Variants in MGA observed in about 807,000 individuals in gnomAD.
The protein encoded by MGA is MAX gene-associated protein.
In MGA, 40 loss-of-function variants were observed where a neutral mutation model predicts 261.1. The ratio of observed to expected loss-of-function variants is 0.15; its 90% CI spans 0.12 to 0.20. MGA has a LOEUF of 0.20. Among genes scored for constraint, MGA ranks in the 10% least tolerant of loss-of-function variants. The probability of loss-of-function intolerance (pLI) is 1.00; values close to 1 mark genes in which losing one functional copy is unlikely to be tolerated. For synonymous variants in MGA, 1,302 were observed against 1,290.6 expected (o/e 1.01, Z -0.19); for missense variants, 3,397 against 3,630.5 (o/e 0.94, Z 1.65).
At chr15:41,643,559 T>G (rs1401767327) in intron 1 of MGA, among the ~76,000 whole-genome samples, 1 of 151,806 alleles carries the variant, frequency 6.6e-6, no homozygotes, top group Non-Finnish European at 1.5e-5. Flanking sequence ...ATTTTTAAAG[T>G]GATTTTTTTG....
At chr15:41,748,973 G>C in intron 16 of MGA, 46 bp downstream of exon 16, 1 of 1,591,592 alleles carries the variant, frequency 6.3e-7, no homozygotes, top group Non-Finnish European at 8.6e-7. Context: ...GAATCACTTG[G>C]CCATATGGTA....
chr15:41,766,282 T>A lies in MGA; in HGVS notation c.8200T>A (p.Ser2734Thr). 1 of 1,613,996 alleles carries A rather than the reference T, an allele frequency of 6.2e-7. No homozygotes were observed. Among genetic ancestry groups the A allele is most frequent in the East Asian group, 2.2e-5 (1 of 44,894 alleles). The change falls in exon 24 of 24, where the codon TCC becomes ACC. Residue 2734 changes from serine (S) to threonine (T), a missense_variant. Around this residue, in one of 9 missense-constraint regions of MGA, gnomAD observed 647 missense variants for 642.4 expected, o/e 1.01. Coordinates refer to ENST00000219905, the MANE Select transcript of MGA (RefSeq NM_001164273.2). ...TGGTTATCCACAAATAGTTGACGTT[T>A]CCAATATGCAGAAAGCACAAGAGTT... is the stretch of plus-strand genomic sequence containing the variant.
At chr15:41,635,669 C>T (rs1461034678) in intron 1 of MGA, among the ~76,000 whole-genome samples, 3 of 152,214 alleles carry the variant, frequency 2.0e-5, no homozygotes, top group African/African-American at 7.2e-5. Flanking sequence ...GCACTCCAGC[C>T]TGGGTAACAG....
At chr15:41,757,931 G>A (rs865949180) in intron 19 of MGA, 92 bp downstream of exon 19, 22 of 1,101,654 alleles carry the variant, frequency 2.0e-5, no homozygotes, top group Middle Eastern at 2.8e-4. Context: ...TATTAGCCAC[G>A]ATTTTTTCTC....
At chr15:41,687,829 A>G (rs1385755014) in intron 2 of MGA, among the ~76,000 whole-genome samples, 2 of 152,154 alleles carry the variant, frequency 1.3e-5, no homozygotes, top group African/African-American at 4.8e-5. Flanking sequence ...AGGCTTATCA[A>G]GTAAGTTTGA....
At position 41,768,475 on chromosome 15, in the gene MGA, G is replaced by T. The variant is rs188157275; in HGVS notation, c.*1195G>T. 6.6e-6 allele frequency: 1 copy of T among 152,580 alleles called. No homozygotes were observed. The highest frequency in any genetic ancestry group is 1.9e-4 in the East Asian group (1 of 5,198). 9.5% of individuals were successfully genotyped at this position (152,580 alleles called of 1,614,324 possible). The stretch of plus-strand genomic sequence containing the variant: ...TGAGATTTGTATTGAGTATAGAAAT[G>T]ATGTTTCCTATCTAGTTTGTAAATA... On this transcript the variant is annotated 3_prime_UTR_variant, in exon 24 of 24. Transcript: ENST00000219905.
At chr15:41,643,316 C>G (rs1385193115) in intron 1 of MGA, among the ~76,000 whole-genome samples, 1 of 151,722 alleles carries the variant, frequency 6.6e-6, no homozygotes, top group Non-Finnish European at 1.5e-5. Flanking sequence ...CCTTGGCTCA[C>G]TGCAACCTCC....
chr15:41,660,657 AGGCCGGGCCTTGCGCAG>A (rs2057330157), intron 1 of MGA, 132 bp downstream of exon 1: 1 of 152,572 alleles, frequency 6.6e-6, no homozygotes, highest in African/African-American at 2.4e-5. Flanking sequence ...CGCCCTCGCC[AGGCCGGGCCTTGCGCAG>A]GGCCGCCTTT....
intron 9 of MGA, among the ~76,000 whole-genome samples, chr15:41,725,557 G>C (rs1261148498): frequency 1.8e-5 from 1 of 54,472 alleles, no homozygotes; most frequent in African/African-American, 4.5e-5. Flanking sequence ...AGTAGGGCCG[G>C]GCGCGGTGGC....
chr15:41,733,676 T>C lies in MGA; in HGVS notation c.3844-846T>C, dbSNP rs1340488700. On this transcript the variant is annotated intron_variant, in intron 11 of 23. Transcript: ENST00000219905. Reference sequence around the variant, plus strand: ...CCCTAAATTGTAAGTGTACATAGCATGAGGGCACAAAGATATGTGCATGTA... The same window carrying C: ...CCCTAAATTGTAAGTGTACATAGCACGAGGGCACAAAGATATGTGCATGTA... 2.0e-5 allele frequency among the ~76,000 whole-genome samples: 3 copies of C among 152,304 alleles called. No homozygotes were observed. In the East Asian group the frequency reaches 5.8e-4, roughly 29 times the overall value.
intron 22 of MGA, 49 bp from the exon 23 acceptor site, chr15:41,764,836 AC>A (rs766417052): frequency 5.1e-6 from 8 of 1,581,146 alleles, no homozygotes; most frequent in Non-Finnish European, 6.9e-6. Flanking sequence ...GAGCCACCAC[AC>A]CCAGCTGAAT....
chr15:41,668,413 CAT>C (rs2057878055), intron 1 of MGA, among the ~76,000 whole-genome samples: 1 of 152,076 alleles, frequency 6.6e-6, no homozygotes, highest in African/African-American at 2.4e-5. Flanking sequence ...TTAATTTACT[CAT>C]CACTGGGGAA....
chr15:41,755,388 T>C (rs894564555), intron 18 of MGA, among the ~76,000 whole-genome samples: 1 of 152,250 alleles, frequency 6.6e-6, no homozygotes, highest in African/African-American at 2.4e-5. Context: ...TTCAGTTACC[T>C]ACTGGCTAAA....
At chr15:41,659,058 A>C (rs1022447789), upstream of MGA, among the ~76,000 whole-genome samples, 1 of 152,194 alleles carries the variant, frequency 6.6e-6, no homozygotes, top group Admixed American at 6.5e-5. Context: ...TCTTGGGTTC[A>C]GGGAAGAGGA....
chr15:41,737,416 A>G (rs2061846072), intron 13 of MGA, among the ~76,000 whole-genome samples: 2 of 151,800 alleles, frequency 1.3e-5, no homozygotes, highest in Admixed American at 1.3e-4. Context: ...TGGCCTCCCA[A>G]AGTGCTAGGA....
chr15:41,678,709 G>T (rs1595685140), intron 2 of MGA, among the ~76,000 whole-genome samples: 1 of 150,980 alleles, frequency 6.6e-6, no homozygotes, highest in South Asian at 2.1e-4. Flanking sequence ...GGAGGTTGCA[G>T]TGAGCTGAGA....
At chr15:41,760,580 CGAT>C in intron 20 of MGA, 51 bp downstream of exon 20, 1 of 1,549,350 alleles carries the variant, frequency 6.5e-7, no homozygotes. Context: ...AGATTCTTAC[CGAT>C]GATATGAGAA....
Position 41,729,368 on chromosome 15 carries a change from A to G in MGA, c.3843+19A>G. The G allele has an allele frequency of 3.1e-6, 5 of 1,592,370 alleles. No individual in the cohort carries two copies. The highest frequency in any genetic ancestry group is 4.3e-6 in the Non-Finnish European group (5 of 1,169,826). On this transcript the variant is annotated intron_variant, in intron 11 of 23. Coordinates refer to ENST00000219905, the MANE Select transcript of MGA (RefSeq NM_001164273.2). ...TGCAAAGGTGAGTTTCTTGTTGCAT[A>G]AGTTCTTTTTAACTTCTGATTACCT... is the stretch of plus-strand genomic sequence containing the variant.
chr15:41,684,509 G>A, intron 2 of MGA: 1 of 380,820 alleles, frequency 2.6e-6, no homozygotes, highest in Non-Finnish European at 5.2e-6. Context: ...TAAAGTTTTT[G>A]TTGGAAAATA....
Sources: allele counts gnomAD v4.1 joint callset (sites outside exome capture counted in the v4.1 genomes callset), GRCh38; gene constraint gnomAD v4.1.1; regional missense constraint gnomAD v4.1.1; transcripts MANE v1.5; gene names NCBI Gene and HGNC (gene_info 2026-07-23, HGNC 2026-07-21).